CREB5: variants seen among roughly 807,000 people sequenced by gnomAD.
The protein encoded by CREB5 is cAMP responsive element binding protein 5.
Under a neutral mutation model 57.1 loss-of-function variants are expected in CREB5, and 19 were observed. The ratio of observed to expected loss-of-function variants is 0.33; its 90% CI spans 0.23 to 0.49. The LOEUF is 0.49. Among genes scored for constraint, CREB5 ranks in the 20% least tolerant of loss-of-function variants. The pLI is 0.99. For missense variants in CREB5, 579 were observed against 671.6 expected (o/e 0.86, Z 1.52); for synonymous variants, 238 against 238.3 (o/e 1.00, Z 0.01).
At chr7:28,560,905 C>T (rs376965231) in intron 4 of CREB5, among the ~76,000 whole-genome samples, 2,643 of 13,328 alleles carry the variant, frequency 0.2, 493 homozygotes, top group South Asian at 0.34. Context: ...TGCGTGCGCG[C>T]GTGCGTGTGC....
rs80030689 is a variant in CREB5, at chr7:28,361,069, A to G, written c.-25+61628A>G. 1.7e-3 allele frequency among the ~76,000 whole-genome samples: 256 copies of G among 152,268 alleles called. 2 individuals are homozygous for G. Among genetic ancestry groups the G allele is most frequent in the African/African-American group, 6.0e-3 (251 of 41,538 alleles). ...AAAAATTATCTGACCCCCAATGTCA[A>G]TAGTCCTGAGGCTAAACACCTCTGA... On this transcript the variant is annotated intron_variant, in intron 1 of 9. Coordinates refer to the CREB5 transcript ENST00000396299.
rs530337302 is a variant in CREB5, at chr7:28,475,040, T to C, written c.4-13135T>C. On this transcript the variant is annotated intron_variant, in intron 1 of 10. Coordinates refer to ENST00000357727, the MANE Select transcript of CREB5 (RefSeq NM_182898.4). ...GTTAGGCTTTCCACATATATAAACC[T>C]TTCTGCATTGGGAGGTGACCAGATT... Among the ~76,000 whole-genome samples the C allele has an allele frequency of 3.8e-4, 58 of 152,286 alleles. No individual in the cohort carries two copies. In the South Asian group the frequency reaches 3.9e-3, roughly 10 times the overall value.
chr7:28,440,577 G>GT (rs1390851532), intron 1 of CREB5, among the ~76,000 whole-genome samples: 1 of 152,246 alleles, frequency 6.6e-6, no homozygotes, highest in South Asian at 2.1e-4. Context: ...TAACCTGGTG[G>GT]TTTACTAGCT....
Position 28,822,886 on chromosome 7 carries a change from G to A in CREB5, c.*3607G>A, listed in dbSNP as rs1041243473. 1 of 152,552 alleles carries A rather than the reference G, an allele frequency of 6.6e-6. No individual in the cohort carries two copies. The highest frequency in any genetic ancestry group is 2.4e-5 in the African/African-American group (1 of 41,438). The allele number at this position is 152,552 out of a possible 1,614,324, so 9.4% of individuals were successfully genotyped here. ...AGCCCTCTCCTGCGGCCACATCAAC[G>A]GATGCAAGTCACAGTCTTAACACAG... is the stretch of plus-strand genomic sequence containing the variant. On this transcript the variant is annotated 3_prime_UTR_variant, in exon 11 of 11. Coordinates refer to ENST00000357727, the MANE Select transcript of CREB5 (RefSeq NM_182898.4).
intron 5 of CREB5, among the ~76,000 whole-genome samples, chr7:28,714,242 G>T (rs1020421173): frequency 6.6e-6 from 1 of 152,150 alleles, no homozygotes; most frequent in East Asian, 1.9e-4. Context: ...TGGATGATAG[G>T]CATGAGCCAC....
intron 1 of CREB5, among the ~76,000 whole-genome samples, chr7:28,433,917 T>C (rs1310154054): frequency 1.3e-5 from 2 of 151,864 alleles, no homozygotes; most frequent in East Asian, 3.9e-4. Context: ...GATCCAGACT[T>C]CTACTTATCT....
chr7:28,337,638 T>C (rs997519320), intron 1 of CREB5, among the ~76,000 whole-genome samples: 2 of 152,078 alleles, frequency 1.3e-5, no homozygotes, highest in African/African-American at 4.8e-5. Context: ...GTCTTGTTTG[T>C]TTTTTAATCC....
chr7:28,710,006 TGG>T (rs1802324357), intron 5 of CREB5, among the ~76,000 whole-genome samples: 1 of 151,124 alleles, frequency 6.6e-6, no homozygotes, highest in Middle Eastern at 3.2e-3. Context: ...TAGTGTAGAT[TGG>T]AGACAGATGA....
At chr7:28,649,597 G>A (rs7776860) in intron 5 of CREB5, among the ~76,000 whole-genome samples, 46,344 of 151,840 alleles carry the variant, frequency 0.31, 8,004 homozygotes, top group African/African-American at 0.48. Flanking sequence ...TATTCAACCC[G>A]CTTGGAATGT....
At chr7:28,670,966 G>A (rs571679406) in intron 5 of CREB5, among the ~76,000 whole-genome samples, 11 of 152,232 alleles carry the variant, frequency 7.2e-5, no homozygotes, top group Admixed American at 7.2e-4. Flanking sequence ...TTTGATAATG[G>A]ACTGTTGCAG....
intron 5 of CREB5, among the ~76,000 whole-genome samples, chr7:28,673,180 T>G (rs1800135690): frequency 6.6e-6 from 1 of 152,212 alleles, no homozygotes; most frequent in African/African-American, 2.4e-5. Context: ...TATTAATTGG[T>G]GTTTGCAATC....
At chr7:28,499,100 C>T (rs969646564) in intron 3 of CREB5, among the ~76,000 whole-genome samples, 1 of 149,474 alleles carries the variant, frequency 6.7e-6, no homozygotes, top group Non-Finnish European at 1.5e-5. Context: ...CGGGTAGGAA[C>T]CTAGGAATTT....
chr7:28,745,087 T>C (rs770787766), intron 7 of CREB5, among the ~76,000 whole-genome samples: 42 of 152,230 alleles, frequency 2.8e-4, no homozygotes, highest in Admixed American at 6.5e-4. Context: ...TGAGAGTGAA[T>C]ATCTCTTTAA....
intron 1 of CREB5, among the ~76,000 whole-genome samples, chr7:28,361,661 T>G (rs893036705): frequency 6.6e-6 from 1 of 152,218 alleles, no homozygotes; most frequent in Non-Finnish European, 1.5e-5. Flanking sequence ...GGTTCCTGTC[T>G]TTTTCAGGGC....
At chr7:28,306,308 G>A (rs1053721829) in intron 1 of CREB5, among the ~76,000 whole-genome samples, 8 of 152,168 alleles carry the variant, frequency 5.3e-5, no homozygotes, top group Admixed American at 1.3e-4. Context: ...AGGACACTGA[G>A]GCTTAGAAGG....
At chr7:28,321,164 A>C (rs1583670217) in intron 1 of CREB5, among the ~76,000 whole-genome samples, 1 of 152,198 alleles carries the variant, frequency 6.6e-6, no homozygotes, top group East Asian at 1.9e-4. Context: ...ACACTTAGTA[A>C]GTGTTGTGAA....
chr7:28,783,544 T>A (rs982966507), intron 7 of CREB5, among the ~76,000 whole-genome samples: 1 of 152,156 alleles, frequency 6.6e-6, no homozygotes, highest in Non-Finnish European at 1.5e-5. Context: ...TTGCTTACAA[T>A]TAGGTTATTT....
At chr7:28,534,050 A>G (rs958963731) in intron 4 of CREB5, among the ~76,000 whole-genome samples, 1 of 152,204 alleles carries the variant, frequency 6.6e-6, no homozygotes, top group Non-Finnish European at 1.5e-5. Context: ...TGTGAACACT[A>G]TGATCCTGAC....
chr7:28,773,368 A>G (rs1339124994), intron 7 of CREB5, among the ~76,000 whole-genome samples: 1 of 152,224 alleles, frequency 6.6e-6, no homozygotes, highest in Non-Finnish European at 1.5e-5. Flanking sequence ...CTTAAGCATA[A>G]TTACCTAAAG....
Sources: gnomAD v4.1 joint callset for allele counts (sites outside exome capture counted in the v4.1 genomes callset) on GRCh38, gnomAD v4.1.1 for gene constraint, MANE v1.5 for transcripts, NCBI Gene and HGNC (gene_info 2026-07-23, HGNC 2026-07-21) for gene names.